The following PRH1 variants were observed in gnomAD, a reference collection of about 807,000 sequenced individuals.
PRH1 encodes the protein proline rich protein HaeIII subfamily 1, also known as salivary acidic proline-rich phosphoprotein 1/2.
A neutral mutation model predicts 7.9 loss-of-function variants in PRH1; 7 were observed. The observed-to-expected ratio is 0.89, with a 90% CI of 0.50 to 1.67. PRH1 has a LOEUF of 1.67. Ranked by LOEUF, PRH1 falls within the 40% of genes most tolerant of loss-of-function variation. PRH1 has a pLI of 0.00. For synonymous variants in PRH1, 45 were observed against 80.8 expected (o/e 0.56, Z 2.38); for missense variants, 109 against 223.6 (o/e 0.49, Z 3.27).
intron 1 of PRH1, chr12:11,133,317 T>C (rs760013836): frequency 6.2e-7 from 1 of 1,613,502 alleles, no homozygotes; most frequent in Middle Eastern, 1.7e-4. Flanking sequence ...CTTGTGAATC[T>C]ATGGAGACGA....
chr12:11,124,663 T>C (rs181955321), intron 1 of PRH1, among the ~76,000 whole-genome samples: 43 of 147,818 alleles, frequency 2.9e-4, no homozygotes, highest in Non-Finnish European at 1.5e-4. Flanking sequence ...CCAAATTATG[T>C]ATGTAAATAT....
intron 2 of PRH1, among the ~76,000 whole-genome samples, chr12:10,910,491 A>G (rs986272321): frequency 2.0e-5 from 3 of 152,044 alleles, no homozygotes; most frequent in Non-Finnish European, 4.4e-5. Context: ...AAAAAGTAAA[A>G]AAATGTGTTA....
intron 2 of PRH1, chr12:10,964,869 C>T (rs994872356): frequency 1.6e-5 from 9 of 552,790 alleles, no homozygotes; most frequent in Non-Finnish European, 2.4e-5. Context: ...TCCCAACTCA[C>T]GTTTCCTTCA....
At chr12:11,143,230 T>C (rs1946759031) in intron 1 of PRH1, among the ~76,000 whole-genome samples, 1 of 152,218 alleles carries the variant, frequency 6.6e-6, no homozygotes, top group Non-Finnish European at 1.5e-5. Context: ...GAGTCTTCAT[T>C]TGTTTAGTGT....
intron 1 of PRH1, among the ~76,000 whole-genome samples, chr12:11,043,713 A>C (rs560466478): frequency 2.0e-5 from 3 of 152,308 alleles, no homozygotes; most frequent in South Asian, 4.1e-4. Context: ...AAAATTAAAT[A>C]GCTGAAGATT....
chr12:11,041,367 CTA>C lies in PRH1; in HGVS notation c.-126+5651_-126+5652del, dbSNP rs1286605432. ...GACAAAATAGTTTTCAAGACAAAAACTATGAGGACATAAAGAAGGTCACCATA... is the reference window on the plus strand; with the variant it reads ...GACAAAATAGTTTTCAAGACAAAAACTGAGGACATAAAGAAGGTCACCATA... On this transcript the variant is annotated intron_variant, in intron 1 of 3. Coordinates refer to the PRH1 transcript ENST00000539853. 2.8e-5 allele frequency among the ~76,000 whole-genome samples: 4 copies of C among 144,016 alleles called. No homozygotes were observed. In the South Asian group the frequency reaches 9.1e-4, roughly 33 times the overall value. The allele number at this position is 144,016 out of a possible 152,430, so 94.5% of individuals were successfully genotyped here.
chr12:11,146,573 A>C (rs1302106656), intron 1 of PRH1, among the ~76,000 whole-genome samples: 1 of 152,152 alleles, frequency 6.6e-6, no homozygotes, highest in African/African-American at 2.4e-5. Context: ...TAATTAACAG[A>C]TCTTTCCAAG....
chr12:11,165,652 G>GTAAATCCTGAGA (rs6144610), intron 1 of PRH1, among the ~76,000 whole-genome samples: 112,950 of 151,654 alleles, frequency 0.74, 44,577 homozygotes, highest in East Asian at 0.96. Flanking sequence ...CATATTTACA[G>GTAAATCCTGAGA]TAAATCCTGA....
chr12:10,905,526 C>T (rs575787785), intron 2 of PRH1, among the ~76,000 whole-genome samples: 10 of 152,098 alleles, frequency 6.6e-5, no homozygotes, highest in Middle Eastern at 3.4e-3. Flanking sequence ...ATTAGCCGGG[C>T]GTCCTGGCAC....
At chr12:10,887,823 C>G (rs140200849), upstream of PRH1, among the ~76,000 whole-genome samples, 1 of 152,086 alleles carries the variant, frequency 6.6e-6, no homozygotes, top group East Asian at 1.9e-4. Context: ...CCAGTTTAAC[C>G]GGATGTTGTC....
intron 1 of PRH1, among the ~76,000 whole-genome samples, chr12:11,115,536 T>C (rs1282488493): frequency 2.0e-5 from 3 of 152,114 alleles, no homozygotes; most frequent in East Asian, 3.8e-4. Flanking sequence ...ATCTGCAGTA[T>C]AGAACAAATT....
chr12:10,996,637 G>A (rs1453570151), intron 1 of PRH1: 4 of 204,452 alleles, frequency 2.0e-5, no homozygotes, highest in Non-Finnish European at 1.9e-5. Context: ...AAATACACAT[G>A]GGTTCATAAT....
intron 1 of PRH1, among the ~76,000 whole-genome samples, chr12:11,056,091 C>T (rs1943352380): frequency 8.4e-6 from 1 of 118,352 alleles, no homozygotes; most frequent in Non-Finnish European, 1.9e-5. Context: ...AAATAATTTT[C>T]TTACTTGGGC....
rs556037677 is a variant in PRH1 at position 11,106,184 on chromosome 12, C to T, written n.124-58996G>A. On this transcript the variant is annotated intron_variant and non_coding_transcript_variant, in intron 1 of 4. Transcript: ENST00000541977. ...CTCGATCTCCTGACCTCGTGATCCG[C>T]CCGCCTCGGCCTCCCAAAGTGCTGG... Among the ~76,000 whole-genome samples, 5 of 47,114 alleles carry T rather than the reference C, an allele frequency of 1.1e-4. 1 individual carries two copies. In the South Asian group the frequency reaches 1.9e-3, roughly 18 times the overall value. 30.9% of individuals were successfully genotyped at this position (47,114 alleles called of 152,430 possible). A position where few individuals can be genotyped will look rare whatever the true frequency, so the allele number is the denominator to read the frequency against.
chr12:11,054,421 C>G (rs186843660), intron 1 of PRH1, among the ~76,000 whole-genome samples: 7 of 152,294 alleles, frequency 4.6e-5, no homozygotes, highest in Non-Finnish European at 1.5e-5. Flanking sequence ...TTTTTAATCT[C>G]AGCTACTGTC....
Position 11,104,524 on chromosome 12 carries a change from CTTGT to C in PRH1, n.124-57340_124-57337del, listed in dbSNP as rs1490429082. On this transcript the variant is annotated intron_variant and non_coding_transcript_variant, in intron 1 of 4. Transcript: ENST00000541977. ...ATTATTCTGTTGTAAACATGTCAGT[CTTGT>C]TTGTTAATTTTGATCACTGTATAGT... Among the ~76,000 whole-genome samples, 5 of 152,186 alleles carry C rather than the reference CTTGT, an allele frequency of 3.3e-5. No homozygotes were observed. In the Middle Eastern group the frequency reaches 0.01, roughly 311 times the overall value.
intron 1 of PRH1, chr12:11,022,403 C>T (rs935058031): frequency 1.2e-5 from 20 of 1,613,556 alleles, no homozygotes; most frequent in Non-Finnish European, 1.6e-5. Flanking sequence ...CAGAGTAAAC[C>T]AATTCTGGAG....
chr12:11,093,815 A>C lies in PRH1; in HGVS notation n.124-46627T>G, dbSNP rs1371792880. On this transcript the variant is annotated intron_variant and non_coding_transcript_variant, in intron 1 of 4. Coordinates refer to the PRH1 transcript ENST00000541977. ...TACTGGGGATTCTTCCTCTTTCCAT[A>C]GAGATTTGAGATGGCTTCCATACTG... Among the ~76,000 whole-genome samples, 2 of 113,450 alleles carry C rather than the reference A, an allele frequency of 1.8e-5. 1 individual carries two copies. Among genetic ancestry groups the C allele is most frequent in the Non-Finnish European group, 4.2e-5 (2 of 48,116 alleles). 74.4% of individuals were successfully genotyped at this position (113,450 alleles called of 152,430 possible). A position where few individuals can be genotyped will look rare whatever the true frequency, so the allele number is the denominator to read the frequency against.
intron 1 of PRH1, chr12:10,996,668 A>T: frequency 4.1e-6 from 1 of 242,578 alleles, no homozygotes; most frequent in Non-Finnish European, 7.7e-6. Flanking sequence ...TTCTTATCCT[A>T]CTTTGGTATA....
Sources: allele counts gnomAD v4.1 joint callset (sites outside exome capture counted in the v4.1 genomes callset), GRCh38; gene constraint gnomAD v4.1.1; transcripts MANE v1.5; gene names NCBI Gene and HGNC (gene_info 2026-07-23, HGNC 2026-07-21).